Variants in ASIC2 observed in about 807,000 individuals in gnomAD.
The protein encoded by ASIC2 is acid sensing ion channel subunit 2, also known as acid-sensing ion channel 2.
ASIC2 carries 25 observed loss-of-function variants against 57.3 expected under a neutral mutation model. The observed-to-expected ratio is 0.44, with a 90% confidence interval of 0.32 to 0.61. The LOEUF (loss-of-function observed/expected upper bound fraction) is 0.61. Ranked by LOEUF, ASIC2 falls within the 20% of genes least tolerant of loss-of-function variation. The probability of loss-of-function intolerance (pLI) is 0.06; values close to 1 mark genes in which losing one functional copy is unlikely to be tolerated. For synonymous variants in ASIC2, 319 were observed against 307.5 expected (o/e 1.04, Z -0.39); for missense variants, 641 against 738.1 (o/e 0.87, Z 1.52).
chr17:33,281,273 T>C (rs182035228), intron 1 of ASIC2, among the ~76,000 whole-genome samples: 131 of 152,292 alleles, frequency 8.6e-4, no homozygotes, highest in Middle Eastern at 6.8e-3. Flanking sequence ...TTGGCTAGAA[T>C]TGTAACAATA....
At position 33,105,314 on chromosome 17, in the gene ASIC2, C is replaced by T. The variant is rs955016518; in HGVS notation, c.859+6603G>A. ...AGTGAATAAGTCTCATGAGATCTGA[C>T]GGTTTCATGAAGGGGAGTTCCCCTG... On this transcript the variant is annotated intron_variant, in intron 2 of 9. Transcript: ENST00000225823. 5.3e-5 allele frequency among the ~76,000 whole-genome samples: 8 copies of T among 152,240 alleles called. No individual in the cohort carries two copies. The South Asian group carries it at 6.2e-4, about 12-fold the overall frequency.
chr17:33,630,162 T>A (rs1173187885), intron 1 of ASIC2, among the ~76,000 whole-genome samples: 1 of 152,182 alleles, frequency 6.6e-6, no homozygotes, highest in African/African-American at 2.4e-5. Context: ...CCTCTGTGGC[T>A]CCCAATCATC....
At chr17:33,777,452 T>C (rs115403154) in intron 1 of ASIC2, among the ~76,000 whole-genome samples, 1 of 152,248 alleles carries the variant, frequency 6.6e-6, no homozygotes, top group African/African-American at 2.4e-5. Context: ...CTTAATATGA[T>C]TGATGTGATA....
chr17:33,579,396 T>C (rs1277993437), intron 1 of ASIC2, among the ~76,000 whole-genome samples: 1 of 151,934 alleles, frequency 6.6e-6, no homozygotes, highest in Non-Finnish European at 1.5e-5. Flanking sequence ...CGCCTCATTA[T>C]TCTGGAGGGG....
chr17:33,638,073 G>A (rs1038705880), intron 1 of ASIC2, among the ~76,000 whole-genome samples: 3 of 152,182 alleles, frequency 2.0e-5, no homozygotes, highest in African/African-American at 7.2e-5. Flanking sequence ...GAATTCAAAA[G>A]TCTGAAAAAC....
intron 1 of ASIC2, among the ~76,000 whole-genome samples, chr17:33,303,781 C>G (rs1906058603): frequency 6.6e-6 from 1 of 152,178 alleles, no homozygotes; most frequent in South Asian, 2.1e-4. Context: ...TCAATACTTT[C>G]CTTTTCCCAG....
chr17:33,106,575 C>T (rs746216646), intron 2 of ASIC2, among the ~76,000 whole-genome samples: 6 of 152,182 alleles, frequency 3.9e-5, no homozygotes, highest in Non-Finnish European at 5.9e-5. Flanking sequence ...CTCAGTGTGG[C>T]CATCCACAGG....
chr17:33,638,853 A>T (rs1033880687), intron 1 of ASIC2, among the ~76,000 whole-genome samples: 5 of 152,000 alleles, frequency 3.3e-5, no homozygotes, highest in Admixed American at 6.5e-5. Context: ...CCAAGGATGG[A>T]TGGTGAGTTA....
chr17:34,114,833 AAGG>A (rs1230392490), intron 1 of ASIC2, among the ~76,000 whole-genome samples: 1 of 152,182 alleles, frequency 6.6e-6, no homozygotes, highest in African/African-American at 2.4e-5. Flanking sequence ...AGGCAGACAT[AAGG>A]TCAGGAGGCA....
At chr17:33,579,374 C>A (rs1004268866) in intron 1 of ASIC2, among the ~76,000 whole-genome samples, 9 of 151,044 alleles carry the variant, frequency 6.0e-5, no homozygotes, top group African/African-American at 2.2e-4. Context: ...TGTTTACAAA[C>A]CTCTAACACT....
At chr17:33,360,340 A>G (rs899896518) in intron 1 of ASIC2, among the ~76,000 whole-genome samples, 2 of 152,228 alleles carry the variant, frequency 1.3e-5, no homozygotes, top group South Asian at 2.1e-4. Flanking sequence ...AAGCAGTGCC[A>G]TAGGGAATGA....
chr17:33,702,209 C>T (rs1370236130), intron 1 of ASIC2, among the ~76,000 whole-genome samples: 1 of 152,184 alleles, frequency 6.6e-6, no homozygotes, highest in Admixed American at 6.5e-5. Flanking sequence ...AATGGTGATA[C>T]CTCTCCCAAT....
chr17:33,828,578 C>T (rs922872784), intron 1 of ASIC2: 8 of 152,098 alleles, frequency 5.3e-5, no homozygotes, highest in African/African-American at 1.4e-4. Context: ...GGCGCTTCCT[C>T]GTCTCCTGAT....
chr17:33,168,323 C>T (rs319776), intron 1 of ASIC2, among the ~76,000 whole-genome samples: 59,409 of 152,010 alleles, frequency 0.39, 12,647 homozygotes, highest in Non-Finnish European at 0.49. Flanking sequence ...GGCTTTGGAA[C>T]TGAGTAATGG....
At chr17:33,371,310 A>T (rs1909050098) in intron 1 of ASIC2, among the ~76,000 whole-genome samples, 1 of 152,200 alleles carries the variant, frequency 6.6e-6, no homozygotes, top group South Asian at 2.1e-4. Flanking sequence ...CATTTTTCCT[A>T]GCCCTCACTC....
chr17:33,334,157 G>A (rs1384881623), intron 1 of ASIC2, among the ~76,000 whole-genome samples: 1 of 152,116 alleles, frequency 6.6e-6, no homozygotes, highest in Non-Finnish European at 1.5e-5. Flanking sequence ...AAACCTTCAG[G>A]ACTTCCAGAG....
intron 1 of ASIC2, among the ~76,000 whole-genome samples, chr17:33,661,249 C>T (rs898520450): frequency 8.5e-5 from 13 of 152,200 alleles, no homozygotes; most frequent in African/African-American, 2.7e-4. Flanking sequence ...CAAGCTACCA[C>T]CCTGATCTTA....
chr17:33,686,065 G>A (rs1255412631), intron 1 of ASIC2, among the ~76,000 whole-genome samples: 1 of 152,128 alleles, frequency 6.6e-6, no homozygotes, highest in Non-Finnish European at 1.5e-5. Context: ...TTCCCACCTC[G>A]GAAGTGGGAG....
chr17:33,932,741 A>AAAAT (rs1555572867), intron 1 of ASIC2: 2 of 58,714 alleles, frequency 3.4e-5, no homozygotes, highest in African/African-American at 6.8e-5. Flanking sequence ...AAAAAAAAAA[A>AAAAT]ATATATATAT....
Sources: allele counts gnomAD v4.1 joint callset (sites outside exome capture counted in the v4.1 genomes callset), GRCh38; gene constraint gnomAD v4.1.1; transcripts MANE v1.5; gene names NCBI Gene and HGNC (gene_info 2026-07-23, HGNC 2026-07-21).